GTF2H3: variants seen among roughly 807,000 people sequenced by gnomAD.
GTF2H3 encodes TFIIH basal transcription factor complex p34 subunit.
A neutral mutation model predicts 51.1 loss-of-function variants in GTF2H3; 42 were observed. The ratio of observed to expected loss-of-function variants is 0.82; its 90% CI spans 0.64 to 1.06. GTF2H3 has a LOEUF of 1.06. Ranked by LOEUF, GTF2H3 falls within the 50% of genes least tolerant of loss-of-function variation. GTF2H3 has a pLI of 0.00. For synonymous variants in GTF2H3, 123 were observed against 123.8 expected (o/e 0.99, Z 0.04); for missense variants, 326 against 366.1 (o/e 0.89, Z 0.89).
At chr12:123,633,967 A>G (rs1485769105) in intron 1 of GTF2H3, 95 bp downstream of exon 1, 1 of 1,379,284 alleles carries the variant, frequency 7.3e-7, no homozygotes, top group African/African-American at 1.4e-5. Flanking sequence ...TGGGCTGGAT[A>G]GAATCCGTTT....
rs756878204 is a variant in GTF2H3, at chr12:123,660,185, C to T, written c.877C>T (p.Leu293=). The T allele has an allele frequency of 2.5e-6, 4 of 1,611,758 alleles. No individual in the cohort carries two copies. The highest frequency in any genetic ancestry group is 3.4e-6 in the Non-Finnish European group (4 of 1,179,314). ...TTCETAFKIS[L]PPVLKAKKKK... ...TTTCAGGACAGCCTTTAAAATTTCTCTGCCTCCAGTGCTGAAAGCCAAGAA... is the reference window on the plus strand; with the variant it reads ...TTTCAGGACAGCCTTTAAAATTTCTTTGCCTCCAGTGCTGAAAGCCAAGAA... Residue 293 remains leucine, a synonymous_variant, in exon 13 of 13, where the codon CTG becomes TTG. Coordinates refer to ENST00000543341, the MANE Select transcript of GTF2H3 (RefSeq NM_001516.5).
intron 9 of GTF2H3, 27 bp downstream of exon 9, chr12:123,655,851 C>T (rs765961953): frequency 9.4e-6 from 14 of 1,489,260 alleles, no homozygotes; most frequent in Admixed American, 3.4e-5. Context: ...TGCTTTGTGT[C>T]GGTGGTTATG....
intron 3 of GTF2H3, among the ~76,000 whole-genome samples, chr12:123,647,736 C>A (rs866764182): frequency 6.6e-6 from 1 of 152,210 alleles, no homozygotes; most frequent in South Asian, 2.1e-4. Flanking sequence ...TGGTGATAGA[C>A]AAATGTTGGC....
intron 9 of GTF2H3, chr12:123,656,028 G>A: frequency 2.3e-6 from 1 of 431,734 alleles, no homozygotes; most frequent in Non-Finnish European, 4.1e-6. Context: ...ATTTCCGTTG[G>A]GCAGCACTAA....
chr12:123,654,699 C>T (rs1955564360), intron 7 of GTF2H3, among the ~76,000 whole-genome samples: 3 of 151,918 alleles, frequency 2.0e-5, no homozygotes. Context: ...ATGTATATAC[C>T]TGCCCATGTA....
intron 7 of GTF2H3, among the ~76,000 whole-genome samples, chr12:123,654,643 G>C (rs545860846): frequency 1.6e-4 from 24 of 151,852 alleles, no homozygotes; most frequent in Admixed American, 7.9e-4. Flanking sequence ...GTATATGTGC[G>C]TATGTGTTTA....
chr12:123,655,032 T>G, intron 8 of GTF2H3, 34 bp downstream of exon 8: 11 of 1,548,814 alleles, frequency 7.1e-6, no homozygotes, highest in Non-Finnish European at 9.8e-6. Context: ...AAGTATTTGT[T>G]TCATAACGAA....
intron 1 of GTF2H3, among the ~76,000 whole-genome samples, chr12:123,634,841 C>T (rs11572916): frequency 0.037 from 5,621 of 152,278 alleles, 266 homozygotes; most frequent in African/African-American, 0.11. Flanking sequence ...GCCTTATTGG[C>T]CGTGATAGAG....
At chr12:123,653,839 A>G (rs1307751997) in intron 7 of GTF2H3, among the ~76,000 whole-genome samples, 1 of 152,144 alleles carries the variant, frequency 6.6e-6, no homozygotes, top group African/African-American at 2.4e-5. Context: ...TCAAAATTAA[A>G]TGTTCATATA....
At chr12:123,644,083 G>A (rs1339570950) in intron 2 of GTF2H3, among the ~76,000 whole-genome samples, 3 of 151,988 alleles carry the variant, frequency 2.0e-5, no homozygotes, top group Admixed American at 6.6e-5. Flanking sequence ...TGCCTGCCTC[G>A]GCCTCCCAAA....
intron 9 of GTF2H3, among the ~76,000 whole-genome samples, chr12:123,658,095 T>A (rs1955609429): frequency 6.6e-6 from 1 of 152,192 alleles, no homozygotes; most frequent in African/African-American, 2.4e-5. Context: ...AGTCTTGCTC[T>A]TGCCCAGGCT....
At chr12:123,654,047 T>C (rs1955552682) in intron 7 of GTF2H3, among the ~76,000 whole-genome samples, 1 of 152,184 alleles carries the variant, frequency 6.6e-6, no homozygotes, top group Non-Finnish European at 1.5e-5. Context: ...TATTGTGGAC[T>C]GAAAAAGCAG....
chr12:123,634,311 G>C (rs891275399), intron 1 of GTF2H3, among the ~76,000 whole-genome samples: 1 of 152,118 alleles, frequency 6.6e-6, no homozygotes, highest in East Asian at 1.9e-4. Context: ...GCGTGGTAGC[G>C]CGTGTCTGTG....
chr12:123,651,969 T>G (rs1331001659), intron 5 of GTF2H3, among the ~76,000 whole-genome samples: 1 of 152,248 alleles, frequency 6.6e-6, no homozygotes, highest in Non-Finnish European at 1.5e-5. Context: ...ATTCAGACTT[T>G]TTAAACATTT....
intron 9 of GTF2H3, among the ~76,000 whole-genome samples, chr12:123,657,771 A>G (rs1269552768): frequency 6.6e-6 from 1 of 152,246 alleles, no homozygotes; most frequent in Non-Finnish European, 1.5e-5. Context: ...AAATGTGTAA[A>G]TGAATCTAAC....
chr12:123,654,772 C>T lies in GTF2H3; in HGVS notation c.487-152C>T, dbSNP rs1955565536. 3.1e-5 allele frequency: 20 copies of T among 639,122 alleles called. No homozygotes were observed. In the East Asian group the frequency reaches 5.2e-4, roughly 17 times the overall value. The allele number at this position is 639,122 out of a possible 1,614,324, so 39.6% of individuals were successfully genotyped here. On this transcript the variant is annotated intron_variant, in intron 7 of 12. Transcript: ENST00000543341. Reference sequence around the variant, plus strand: ...GAGCGGGATTTCGGGGGAAATGTTACTGTCATCTTTATACTTTAGGTATCA... The same window carrying T: ...GAGCGGGATTTCGGGGGAAATGTTATTGTCATCTTTATACTTTAGGTATCA...
Position 123,651,037 on chromosome 12 carries a change from CCT to C in GTF2H3, c.409_410del (p.Leu137GlyfsTer9), listed in dbSNP as rs1180982630. 3.7e-6 allele frequency: 6 copies of C among 1,612,548 alleles called. No homozygotes were observed. Among genetic ancestry groups the C allele is most frequent in the Non-Finnish European group, 5.1e-6 (6 of 1,178,678 alleles). Reference protein sequence around the residue: ...QHTETLLAGSLAKALCYIHRM... With the variant: ...QHTETLLAGSXAKALCYIHRM... ...ATACAGAAACTTTGCTGGCAGGATCCCTGGCCAAAGCCCTTTGCTGTATCCTT... is the reference window on the plus strand; with the variant it reads ...ATACAGAAACTTTGCTGGCAGGATCCGGCCAAAGCCCTTTGCTGTATCCTT... On this transcript the variant is annotated frameshift_variant, in exon 5 of 13. Transcript: ENST00000543341. LOFTEE classifies it high-confidence loss of function.
chr12:123,636,314 G>A (rs1955282611), intron 1 of GTF2H3, among the ~76,000 whole-genome samples: 1 of 152,218 alleles, frequency 6.6e-6, no homozygotes, highest in South Asian at 2.1e-4. Context: ...TGAGATAGGG[G>A]AGTCATGAAG....
At chr12:123,647,423 G>GACTGCACC (rs1955463250) in intron 3 of GTF2H3, among the ~76,000 whole-genome samples, 1 of 151,802 alleles carries the variant, frequency 6.6e-6, no homozygotes, top group African/African-American at 2.4e-5. Flanking sequence ...AGTGAGCTGA[G>GACTGCACC]ACTGCACCAC....
Sources: allele counts gnomAD v4.1 joint callset (sites outside exome capture counted in the v4.1 genomes callset), GRCh38; gene constraint gnomAD v4.1.1; transcripts MANE v1.5; gene names NCBI Gene and HGNC (gene_info 2026-07-23, HGNC 2026-07-21).